Variants in NTN1 observed in about 807,000 individuals in gnomAD.
NTN1 encodes the protein netrin-1.
In NTN1, 11 loss-of-function variants were observed where a neutral mutation model predicts 54.2. That is an observed-to-expected ratio of 0.20 (90% confidence interval 0.13 to 0.34). The LOEUF (loss-of-function observed/expected upper bound fraction) is 0.34. Among genes scored for constraint, NTN1 ranks in the 10% least tolerant of loss-of-function variants. The probability of loss-of-function intolerance (pLI) is 1.00; values close to 1 mark genes in which losing one functional copy is unlikely to be tolerated. For synonymous variants in NTN1, 371 were observed against 382.0 expected (o/e 0.97, Z 0.33); for missense variants, 740 against 893.1 (o/e 0.83, Z 2.18).
At chr17:9,074,363 ACTC>A (rs2092042345) in intron 2 of NTN1, among the ~76,000 whole-genome samples, 1 of 152,012 alleles carries the variant, frequency 6.6e-6, no homozygotes, top group Non-Finnish European at 1.5e-5. Flanking sequence ...CTTGGGCTGA[ACTC>A]CTCACCTGGC....
the NTN1 span, among the ~76,000 whole-genome samples, chr17:9,005,829 C>T: frequency 3.3e-5 from 5 of 152,266 alleles, no homozygotes; most frequent in South Asian, 2.1e-4. Context: ...CAGAGTGCAC[C>T]GCAGGCTGCC....
At chr17:9,047,127 T>C (rs1248957776) in intron 2 of NTN1, among the ~76,000 whole-genome samples, 2 of 152,212 alleles carry the variant, frequency 1.3e-5, no homozygotes, top group African/African-American at 2.4e-5. Context: ...GTCATAATCT[T>C]GTCACTGTTG....
intron 2 of NTN1, among the ~76,000 whole-genome samples, chr17:9,152,023 A>G (rs2092328974): frequency 6.6e-6 from 1 of 152,062 alleles, no homozygotes; most frequent in African/African-American, 2.4e-5. Context: ...GAACATGGGC[A>G]GGGACAAATA....
At chr17:9,155,345 TG>T (rs1267061306) in intron 2 of NTN1, among the ~76,000 whole-genome samples, 2 of 95,740 alleles carry the variant, frequency 2.1e-5, no homozygotes, top group Admixed American at 2.0e-4. Flanking sequence ...TTTTCTTTTT[TG>T]TTTTTTTTTT....
chr17:9,071,873 T>C (rs141438923), intron 2 of NTN1, among the ~76,000 whole-genome samples: 31 of 152,344 alleles, frequency 2.0e-4, no homozygotes, highest in African/African-American at 5.3e-4. Flanking sequence ...GCAGTATGAA[T>C]GGAGGCTGGG....
At chr17:9,198,469 G>A (rs1305714471) in intron 5 of NTN1, among the ~76,000 whole-genome samples, 1 of 152,174 alleles carries the variant, frequency 6.6e-6, no homozygotes, top group Non-Finnish European at 1.5e-5. Flanking sequence ...CCAGTCAAGG[G>A]GCTCTGGGCG....
At position 9,179,812 on chromosome 17, in the gene NTN1, G is replaced by A. The variant is rs888542458; in HGVS notation, c.1213G>A (p.Asp405Asn). 6.2e-7 allele frequency: 1 copy of A among 1,613,792 alleles called. No individual in the cohort carries two copies. Among genetic ancestry groups the A allele is most frequent in the Admixed American group, 1.7e-5 (1 of 59,992 alleles). Residue 405 changes from aspartate (D) to asparagine (N), a missense_variant, in exon 4 of 7, where the codon GAT (aspartate) becomes AAT (asparagine). Physicochemically the swap from Asp to Asn is conservative, Grantham distance 23 (BLOSUM62 1). Coordinates refer to ENST00000173229, the MANE Select transcript of NTN1 (RefSeq NM_004822.3). ...CCATTTTGTGTTCTCTGCAGCCTGTGATTGCCACCCTGTGGGTGCTGCTGG... is the reference window on the plus strand; with the variant it reads ...CCATTTTGTGTTCTCTGCAGCCTGTAATTGCCACCCTGTGGGTGCTGCTGG... ...ITHRKACKAC[D>N]CHPVGAAGKT...
the NTN1 span, among the ~76,000 whole-genome samples, chr17:9,011,810 G>C: frequency 6.6e-6 from 1 of 152,072 alleles, no homozygotes; most frequent in South Asian, 2.1e-4. Flanking sequence ...GGATGGTCTC[G>C]ATCTCTTGAC....
At chr17:9,012,767 C>T in the NTN1 span, among the ~76,000 whole-genome samples, 12 of 152,244 alleles carry the variant, frequency 7.9e-5, no homozygotes, top group East Asian at 3.9e-4. Flanking sequence ...TTCTGATGTA[C>T]CACAGTGGAG....
intron 3 of NTN1, among the ~76,000 whole-genome samples, chr17:9,169,393 GAA>G (rs2092380994): frequency 6.6e-6 from 1 of 152,232 alleles, no homozygotes; most frequent in South Asian, 2.1e-4. Flanking sequence ...CTTTACAGAT[GAA>G]AAGAGTCCCT....
the NTN1 span, among the ~76,000 whole-genome samples, chr17:9,011,966 A>T: frequency 2.6e-5 from 4 of 152,130 alleles, no homozygotes. Context: ...TTAGTCAATT[A>T]ATTTGTAGTG....
At chr17:9,185,416 G>A (rs557078159) in intron 5 of NTN1, among the ~76,000 whole-genome samples, 47 of 152,302 alleles carry the variant, frequency 3.1e-4, no homozygotes, top group Admixed American at 5.9e-4. Context: ...TTTTGCCTGC[G>A]TACCAGAGGA....
At chr17:9,013,702 C>T in the NTN1 span, among the ~76,000 whole-genome samples, 6 of 152,130 alleles carry the variant, frequency 3.9e-5, no homozygotes, top group Non-Finnish European at 5.9e-5. Context: ...TGAGGTTTCA[C>T]GAGGGGATTC....
In NTN1 at chr17:9,221,157, C is replaced by G. The variant is rs200867686; in HGVS notation, c.1412-11C>G. The G allele has an allele frequency of 6.4e-7, 1 of 1,553,514 alleles. No individual in the cohort carries two copies. The highest frequency in any genetic ancestry group is 8.9e-7 in the Non-Finnish European group (1 of 1,129,002). ...AGTTTTTGTCTGTGCTCCCCCCCCA[C>G]CCCCCTGCAGACTGCGATTCCTACT... On this transcript the variant is annotated splice_polypyrimidine_tract_variant and intron_variant, in intron 5 of 6. Coordinates refer to ENST00000173229, the MANE Select transcript of NTN1 (RefSeq NM_004822.3). The surrounding 1 kb of genome is among the most constrained non-coding windows in gnomAD (Gnocchi z 4.5).
At chr17:9,097,304 T>G (rs953825493) in intron 2 of NTN1, among the ~76,000 whole-genome samples, 2 of 152,300 alleles carry the variant, frequency 1.3e-5, no homozygotes, top group South Asian at 4.1e-4. Flanking sequence ...ACCTATTAAA[T>G]GCAGTGTGCT....
At position 9,127,555 on chromosome 17, in the gene NTN1, A is replaced by G. The variant is rs934627065; in HGVS notation, c.1019-35258A>G. Among the ~76,000 whole-genome samples the G allele has an allele frequency of 1.1e-4, 16 of 151,896 alleles. 1 individual carries two copies. The highest frequency in any genetic ancestry group is 4.6e-4 in the Admixed American group (7 of 15,236). On this transcript the variant is annotated intron_variant, in intron 2 of 6. Coordinates refer to ENST00000173229, the MANE Select transcript of NTN1 (RefSeq NM_004822.3). ...GGTTGGAGTGGTGGCAGGTGCAGAG[A>G]AGAGGCCAGGCTTTGCTGCTGAGGA...
chr17:9,011,297 G>A, the NTN1 span, among the ~76,000 whole-genome samples: 1 of 152,172 alleles, frequency 6.6e-6, no homozygotes, highest in African/African-American at 2.4e-5. Context: ...CCCCGCTGTA[G>A]GGAAGGATCC....
At chr17:9,189,292 T>C (rs1904386497) in intron 5 of NTN1, among the ~76,000 whole-genome samples, 1 of 152,200 alleles carries the variant, frequency 6.6e-6, no homozygotes, top group Non-Finnish European at 1.5e-5. Context: ...CCGGCCGTGG[T>C]TGCCTGGGCG....
intron 3 of NTN1, among the ~76,000 whole-genome samples, chr17:9,170,864 ACACACACACACACACACACT>A (rs2092385429): frequency 3.7e-5 from 1 of 26,890 alleles, no homozygotes; most frequent in Admixed American, 5.7e-4. Flanking sequence ...CTCTTGTGAC[ACACACACACACACACACACT>A]CACACACACA....
Sources: gnomAD v4.1 joint callset for allele counts (sites outside exome capture counted in the v4.1 genomes callset) on GRCh38, gnomAD v4.1.1 for gene constraint, Gnocchi (gnomAD v3.1) non-coding constraint, MANE v1.5 for transcripts, NCBI Gene and HGNC (gene_info 2026-07-23, HGNC 2026-07-21) for gene names.